The following NBPF8 variants were observed in gnomAD, a reference collection of about 807,000 sequenced individuals.
The protein encoded by NBPF8 is NBPF member 8.
chr1:120,450,347 C>T (rs1423948177), intron 11 of NBPF8, among the ~76,000 whole-genome samples: 2,609 of 152,042 alleles, frequency 0.017, 103 homozygotes, highest in African/African-American at 0.059. Flanking sequence ...AAAGATCCCA[C>T]CCGAGAATGT....
chr1:120,459,575 C>T lies in NBPF8; in HGVS notation n.2784+45C>T. On this transcript the variant is annotated intron_variant and non_coding_transcript_variant, in intron 17 of 24. Transcript: ENST00000583271. ...GGTGATAAAGCTCCAGTTCATGGCC[C>T]AGGTAGACCCCATAATCTTTGGGCC... 4.3e-6 allele frequency: 6 copies of T among 1,394,058 alleles called. 1 individual carries two copies. Among genetic ancestry groups the T allele is most frequent in the South Asian group, 1.1e-5 (1 of 88,742 alleles). The allele number at this position is 1,394,058 out of a possible 1,614,324, so 86.4% of individuals were successfully genotyped here. A position where few individuals can be genotyped will look rare whatever the true frequency, so the allele number is the denominator to read the frequency against.
In NBPF8 at chr1:120,455,840, C is replaced by T. The variant is rs1553249621; in HGVS notation, n.2620+380C>T. ...TTGAATTTGTTTGCTTTGCTTCTCTCGTTATTTTAATTGTGATGTTAGGGT... is the reference window on the plus strand; with the variant it reads ...TTGAATTTGTTTGCTTTGCTTCTCTTGTTATTTTAATTGTGATGTTAGGGT... On this transcript the variant is annotated intron_variant and non_coding_transcript_variant, in intron 16 of 24. Coordinates refer to ENST00000583271, the Ensembl canonical transcript of NBPF8. Among the ~76,000 whole-genome samples the T allele has an allele frequency of 8.6e-5, 13 of 151,944 alleles. No individual in the cohort carries two copies. In the East Asian group the frequency reaches 1.6e-3, roughly 18 times the overall value.
chr1:120,419,366 A>C (rs1163144403), upstream of NBPF8, among the ~76,000 whole-genome samples: 2 of 152,240 alleles, frequency 1.3e-5, no homozygotes, highest in Non-Finnish European at 2.9e-5. Context: ...AAGAAGCATT[A>C]ACTACACCCA....
In NBPF8 at chr1:120,466,089, C is replaced by T. The variant is rs1463244195; in HGVS notation, n.3680C>T. On this transcript the variant is annotated non_coding_transcript_exon_variant, in exon 25 of 25. Transcript: ENST00000583271. ...GTGAACTACGTGACTCATTCCAGCA[C>T]TACAGAAGTGTGTTTTACTCATTTG... is the stretch of plus-strand genomic sequence containing the variant. 8 of 1,611,664 alleles carry T rather than the reference C, an allele frequency of 5.0e-6. No individual in the cohort carries two copies. In the East Asian group the frequency reaches 8.9e-5, roughly 18 times the overall value.
chr1:120,460,388 C>T (rs1402940711), intron 17 of NBPF8, among the ~76,000 whole-genome samples, 185 bp from the exon 16 acceptor site: 1 of 152,186 alleles, frequency 6.6e-6, no homozygotes, highest in Non-Finnish European at 1.5e-5. Context: ...GCCCAAGGCT[C>T]ATGAAAGAAC....
upstream of NBPF8, among the ~76,000 whole-genome samples, chr1:120,415,062 T>A (rs1553244853): frequency 9.2e-5 from 14 of 151,972 alleles, no homozygotes; most frequent in East Asian, 2.0e-3. Context: ...GCCAGCTGGC[T>A]CAGGCTATGG....
rs1358442795 is a variant in NBPF8, at chr1:120,423,432, T to G, written n.270-2315T>G. ...CCATGGAAGATCAGTGGACTGTATGTAGGCCTGCTTCTGGGCTCCGTATTC... is the reference window on the plus strand; with the variant it reads ...CCATGGAAGATCAGTGGACTGTATGGAGGCCTGCTTCTGGGCTCCGTATTC... On this transcript the variant is annotated intron_variant and non_coding_transcript_variant, in intron 1 of 28. Coordinates refer to the NBPF8 transcript ENST00000652355. Among the ~76,000 whole-genome samples the G allele has an allele frequency of 5.6e-5, 6 of 107,606 alleles. 2 individuals carry two copies. The highest frequency in any genetic ancestry group is 1.1e-4 in the Non-Finnish European group (6 of 53,150). The allele number at this position is 107,606 out of a possible 152,430, so 70.6% of individuals were successfully genotyped here. A position where few individuals can be genotyped will look rare whatever the true frequency, so the allele number is the denominator to read the frequency against.
At chr1:120,452,846 A>C (rs1661322860) in intron 13 of NBPF8, among the ~76,000 whole-genome samples, 1 of 152,278 alleles carries the variant, frequency 6.6e-6, no homozygotes, top group East Asian at 1.9e-4. Flanking sequence ...ATGTTGGAGA[A>C]GGCACTTTAT....
upstream of NBPF8, among the ~76,000 whole-genome samples, chr1:120,419,544 C>T (rs1456484127): frequency 5.9e-5 from 9 of 152,186 alleles, no homozygotes; most frequent in African/African-American, 1.2e-4. Flanking sequence ...TCACTAACCT[C>T]TAATTCGAGG....
At chr1:120,436,611 A>C (rs1661090526) in exon 1 of NBPF8, 17 of 1,604,524 alleles carry the variant, frequency 1.1e-5, no homozygotes, top group Non-Finnish European at 1.4e-5. Flanking sequence ...CAGTTGGCAG[A>C]GAACAAACAG....
chr1:120,457,736 A>AAT (rs1413536025), intron 16 of NBPF8, among the ~76,000 whole-genome samples: 4,390 of 53,698 alleles, frequency 0.082, 951 homozygotes, highest in East Asian at 0.26. Context: ...TTAAAAAAAA[A>AAT]ATATATATAT....
At chr1:120,431,461 A>C (rs1660877602), upstream of NBPF8, among the ~76,000 whole-genome samples, 3 of 149,352 alleles carry the variant, frequency 2.0e-5, no homozygotes, top group South Asian at 6.4e-4. Flanking sequence ...CAGCACATTG[A>C]AACAATTTCT....
At chr1:120,436,544 T>G in exon 1 of NBPF8, 1 of 1,530,498 alleles carries the variant, frequency 6.5e-7, no homozygotes. Context: ...AGCCGGCCCT[T>G]GGTCCAGCGA....
chr1:120,415,444 T>C (rs1284085513), upstream of NBPF8, among the ~76,000 whole-genome samples: 1 of 152,152 alleles, frequency 6.6e-6, no homozygotes, highest in African/African-American at 2.4e-5. Flanking sequence ...GTTCCATGCG[T>C]TCGATTCCTC....
At chr1:120,468,162 TC>T (rs1661797354), downstream of NBPF8, among the ~76,000 whole-genome samples, 1 of 150,712 alleles carries the variant, frequency 6.6e-6, no homozygotes, top group Non-Finnish European at 1.5e-5. Flanking sequence ...GTTTTCTTTT[TC>T]CTACCTCCTT....
rs1195864963 is a variant in NBPF8, at chr1:120,422,937, AT to A, written n.270-2809del. On this transcript the variant is annotated intron_variant and non_coding_transcript_variant, in intron 1 of 28. Transcript: ENST00000652355. ...TATTTGCCATCTGTATATCTTATTA[AT>A]GAGGTGTTCAGATCTTTCACCTTTT... is the stretch of plus-strand genomic sequence containing the variant. Among the ~76,000 whole-genome samples, 6 of 94,800 alleles carry A rather than the reference AT, an allele frequency of 6.3e-5. No homozygotes were observed. In the East Asian group the frequency reaches 1.3e-3, roughly 20 times the overall value. The allele number at this position is 94,800 out of a possible 152,430, so 62.2% of individuals were successfully genotyped here.
intron 11 of NBPF8, among the ~76,000 whole-genome samples, chr1:120,450,269 C>A (rs1661228414): frequency 1.3e-5 from 2 of 151,896 alleles, no homozygotes; most frequent in African/African-American, 4.8e-5. Flanking sequence ...GAATAAAAAG[C>A]AGAGAGTAGC....
At chr1:120,446,214 T>C (rs1415837056) in intron 8 of NBPF8, among the ~76,000 whole-genome samples, 2 of 138,472 alleles carry the variant, frequency 1.4e-5, no homozygotes, top group Non-Finnish European at 3.2e-5. Flanking sequence ...AAACCCATGG[T>C]TTGGAGGTCA....
chr1:120,428,615 G>C (rs1366522837), intron 3 of NBPF8, among the ~76,000 whole-genome samples: 1 of 152,238 alleles, frequency 6.6e-6, no homozygotes, highest in African/African-American at 2.4e-5. Context: ...GCTGAGGCTT[G>C]TGGGCTATGT....
Sources: gnomAD v4.1 joint callset for allele counts (sites outside exome capture counted in the v4.1 genomes callset) on GRCh38, gnomAD v4.1.1 for gene constraint, MANE v1.5 for transcripts, NCBI Gene and HGNC (gene_info 2026-07-23, HGNC 2026-07-21) for gene names.